Variants in OR6N1 observed in about 807,000 individuals in gnomAD.
OR6N1 encodes olfactory receptor 6N1.
For missense variants in OR6N1, 394 were observed against 371.7 expected, an observed-to-expected ratio of 1.06 and a Z score of -0.49; for synonymous variants, 170 against 150.7, an observed-to-expected ratio of 1.13 and a Z score of -0.94.
chr1:158,819,039 G>A, the OR6N1 span, among the ~76,000 whole-genome samples: 1 of 152,172 alleles, frequency 6.6e-6, no homozygotes, highest in Admixed American at 6.5e-5. Context: ...AGCTGGGGGA[G>A]AAGCAAGGGA....
In OR6N1 at chr1:158,765,785, C is replaced by T. The variant is rs761579367; in HGVS notation, c.898G>A (p.Ala300Thr). Reference sequence around the variant, plus strand: ...ATTCTCTTTAGCTGCCTCCTCACAGCCTCCTTGATCTCCTTGTTGCGCAAG... The same window carrying T: ...ATTCTCTTTAGCTGCCTCCTCACAGTCTCCTTGATCTCCTTGTTGCGCAAG... ...YSLRNKEIKE[A>T]VRRQLKRIGI... Residue 300 changes from alanine (A) to threonine (T), a missense_variant, in exon 2 of 2, where the codon GCT (alanine) becomes ACT (threonine). Physicochemically the swap from Ala to Thr is moderately conservative, Grantham distance 58 (BLOSUM62 0). Transcript: ENST00000641846. 78 of 1,613,980 alleles carry T rather than the reference C, an allele frequency of 4.8e-5. No individual in the cohort carries two copies. The highest frequency in any genetic ancestry group is 6.3e-5 in the Non-Finnish European group (74 of 1,179,942).
chr1:158,833,841 C>T, the OR6N1 span, among the ~76,000 whole-genome samples: 1 of 152,178 alleles, frequency 6.6e-6, no homozygotes, highest in African/African-American at 2.4e-5. Flanking sequence ...TGAGATCACA[C>T]TTTCACTTAT....
chr1:158,767,088 T>C (rs1406436300), intron 1 of OR6N1, among the ~76,000 whole-genome samples: 1 of 152,232 alleles, frequency 6.6e-6, no homozygotes, highest in Non-Finnish European at 1.5e-5. Context: ...ACTGATAATA[T>C]ATTGATACCG....
the OR6N1 span, among the ~76,000 whole-genome samples, chr1:158,788,601 A>G: frequency 6.6e-6 from 1 of 152,144 alleles, no homozygotes; most frequent in Non-Finnish European, 1.5e-5. Context: ...CATTCATGTA[A>G]TGTGTCAAAT....
At position 158,765,478 on chromosome 1, in the gene OR6N1, T is replaced by G; in HGVS notation, c.*266A>C. 1 of 347,592 alleles carries G rather than the reference T, an allele frequency of 2.9e-6. No individual in the cohort carries two copies. The highest frequency in any genetic ancestry group is 8.1e-5 in the South Asian group (1 of 12,290). 21.5% of individuals were successfully genotyped at this position (347,592 alleles called of 1,614,324 possible). ...GATTTTAAAAAAAACCTAAGTGTGA[T>G]ACATAAACATCTGAGTTTTGAAAAT... On this transcript the variant is annotated 3_prime_UTR_variant, in exon 2 of 2. Transcript: ENST00000641846.
the OR6N1 span, among the ~76,000 whole-genome samples, chr1:158,789,411 C>T: frequency 2.6e-5 from 4 of 152,206 alleles, no homozygotes; most frequent in African/African-American, 4.8e-5. Flanking sequence ...TACGAGGAAT[C>T]TCCATACTGT....
chr1:158,813,697 C>CTTTTTTTTT, the OR6N1 span, among the ~76,000 whole-genome samples: 3 of 78,614 alleles, frequency 3.8e-5, no homozygotes, highest in African/African-American at 1.5e-4. Context: ...TATGTATGGT[C>CTTTTTTTTT]TTTTTTTTTT....
chr1:158,832,724 G>T, the OR6N1 span, among the ~76,000 whole-genome samples: 662 of 151,916 alleles, frequency 4.4e-3, 3 homozygotes, highest in African/African-American at 0.015. Context: ...TTCCTAAAAA[G>T]TCTTTCTTTA....
At chr1:158,782,487 A>G in the OR6N1 span, among the ~76,000 whole-genome samples, 1 of 152,340 alleles carries the variant, frequency 6.6e-6, no homozygotes, top group Admixed American at 6.5e-5. Flanking sequence ...TTATTGACTC[A>G]CTGCAATGTG....
At chr1:158,808,892 C>T in the OR6N1 span, 12 of 152,518 alleles carry the variant, frequency 7.9e-5, no homozygotes, top group African/African-American at 2.9e-4. Flanking sequence ...GCCAGCCACC[C>T]AACTGGCCCC....
the OR6N1 span, among the ~76,000 whole-genome samples, chr1:158,820,725 A>G: frequency 6.6e-6 from 1 of 152,210 alleles, no homozygotes; most frequent in East Asian, 1.9e-4. Context: ...CTTATAGACC[A>G]AACTGCTTAA....
chr1:158,782,855 T>C, the OR6N1 span, among the ~76,000 whole-genome samples: 2 of 152,360 alleles, frequency 1.3e-5, no homozygotes, highest in Admixed American at 6.5e-5. Context: ...TGACTTTGTC[T>C]GATGTTGGTA....
the OR6N1 span, among the ~76,000 whole-genome samples, chr1:158,811,622 C>A: frequency 2.0e-5 from 3 of 152,060 alleles, no homozygotes; most frequent in African/African-American, 7.2e-5. Flanking sequence ...AAGCCCTGAT[C>A]CACTGGAGAA....
At chr1:158,807,554 T>A in the OR6N1 span, among the ~76,000 whole-genome samples, 1 of 152,174 alleles carries the variant, frequency 6.6e-6, no homozygotes, top group Admixed American at 6.5e-5. Context: ...TGCAGGTTTT[T>A]TCTCCATCAA....
chr1:158,839,376 C>T, the OR6N1 span, among the ~76,000 whole-genome samples: 34 of 152,272 alleles, frequency 2.2e-4, no homozygotes, highest in Non-Finnish European at 4.1e-4. Context: ...GCCACACCTG[C>T]CTCTTTTCAT....
chr1:158,831,750 C>CA, the OR6N1 span, among the ~76,000 whole-genome samples: 8 of 151,880 alleles, frequency 5.3e-5, no homozygotes, highest in East Asian at 1.2e-3. Context: ...GGGTATGAAC[C>CA]AAAAAAATGT....
chr1:158,795,380 CAG>C, the OR6N1 span, among the ~76,000 whole-genome samples: 1 of 152,190 alleles, frequency 6.6e-6, no homozygotes, highest in Non-Finnish European at 1.5e-5. Flanking sequence ...GCTCATAACA[CAG>C]GGGCATCCAG....
chr1:158,807,890 G>C, the OR6N1 span, among the ~76,000 whole-genome samples: 13 of 152,170 alleles, frequency 8.5e-5, no homozygotes, highest in South Asian at 2.7e-3. Flanking sequence ...GGAAATCAGA[G>C]ACCATAACCC....
chr1:158,787,820 A>G, the OR6N1 span, among the ~76,000 whole-genome samples: 3 of 152,172 alleles, frequency 2.0e-5, no homozygotes, highest in African/African-American at 7.2e-5. Context: ...CAGTGCATTT[A>G]GGGAAATACA....
Sources: allele counts gnomAD v4.1 joint callset (sites outside exome capture counted in the v4.1 genomes callset), GRCh38; gene constraint gnomAD v4.1.1; transcripts MANE v1.5; gene names NCBI Gene and HGNC (gene_info 2026-07-23, HGNC 2026-07-21).